PACRG: variants seen among roughly 807,000 people sequenced by gnomAD.
PACRG encodes parkin coregulated.
A neutral mutation model predicts 29.7 loss-of-function variants in PACRG; 29 were observed. The ratio of observed to expected loss-of-function variants is 0.98; its 90% CI spans 0.73 to 1.33. The LOEUF (loss-of-function observed/expected upper bound fraction) is 1.33, where lower values mean the gene tolerates loss of function less well. Ranked by LOEUF, PACRG falls within the 40% of genes most tolerant of loss-of-function variation. PACRG has a pLI of 0.00. For synonymous variants in PACRG, 116 were observed against 118.7 expected, an observed-to-expected ratio of 0.98 and a Z score of 0.15; for missense variants, 279 against 316.2, an observed-to-expected ratio of 0.88 and a Z score of 0.89.
chr6:162,994,570 C>T (rs1322781768), intron 2 of PACRG, among the ~76,000 whole-genome samples: 2 of 151,924 alleles, frequency 1.3e-5, no homozygotes, highest in South Asian at 2.1e-4. Context: ...ACGTAGTTCT[C>T]GAGCCTTGGT....
At chr6:162,837,188 TG>T (rs975595453) in intron 2 of PACRG, among the ~76,000 whole-genome samples, 5 of 152,056 alleles carry the variant, frequency 3.3e-5, no homozygotes, top group African/African-American at 1.2e-4. Context: ...GCGTAGATAG[TG>T]GGGGAGATGA....
chr6:163,222,890 A>C (rs1370208128), intron 4 of PACRG, among the ~76,000 whole-genome samples: 2 of 152,248 alleles, frequency 1.3e-5, no homozygotes, highest in Non-Finnish European at 2.9e-5. Flanking sequence ...ACTTTTGAAA[A>C]ATCATGTAGA....
intron 2 of PACRG, among the ~76,000 whole-genome samples, chr6:162,867,841 G>A (rs986425038): frequency 2.0e-5 from 3 of 152,120 alleles, no homozygotes; most frequent in Admixed American, 6.5e-5. Context: ...AGAAGGCAGC[G>A]TCGTAGAGGG....
intron 2 of PACRG, among the ~76,000 whole-genome samples, chr6:162,857,013 T>C (rs1791454578): frequency 6.6e-6 from 1 of 152,178 alleles, no homozygotes. Context: ...GGATCAGACA[T>C]GTCACCCCTC....
At chr6:163,077,735 A>G (rs1441474680) in intron 3 of PACRG, among the ~76,000 whole-genome samples, 1 of 152,238 alleles carries the variant, frequency 6.6e-6, no homozygotes. Context: ...AAAAAACATT[A>G]AAAAGAGGTG....
intron 4 of PACRG, among the ~76,000 whole-genome samples, chr6:163,239,776 CCACA>C (rs369286078): frequency 2.0e-4 from 29 of 145,044 alleles, no homozygotes; most frequent in Non-Finnish European, 2.4e-4. Context: ...ACCTCCACCC[CCACA>C]CACACACACA....
chr6:162,845,328 A>C (rs1235116695), intron 2 of PACRG, among the ~76,000 whole-genome samples: 1 of 152,164 alleles, frequency 6.6e-6, no homozygotes. Context: ...AACCGTGAGC[A>C]AGAATCCCCC....
chr6:163,265,425 T>C (rs1469624174), intron 4 of PACRG, among the ~76,000 whole-genome samples: 3 of 152,126 alleles, frequency 2.0e-5, no homozygotes, highest in Non-Finnish European at 4.4e-5. Context: ...TTCGGGCCCG[T>C]GGGTATTTGT....
At chr6:163,058,407 G>T (rs1810780349) in intron 2 of PACRG, among the ~76,000 whole-genome samples, 1 of 152,110 alleles carries the variant, frequency 6.6e-6, no homozygotes, top group Non-Finnish European at 1.5e-5. Context: ...CCTACCTGTT[G>T]TTCTAATAGT....
In PACRG at chr6:163,123,967, G is replaced by A. The variant is rs192317361; in HGVS notation, c.613+34559G>A. On this transcript the variant is annotated intron_variant, in intron 4 of 4. Transcript: ENST00000366888. ...AACATGGGAGTGCAGATGTTTCTTC[G>A]AGATCACAATTTCAGTTCTTTTGGG... Among the ~76,000 whole-genome samples, 25 of 152,288 alleles carry A rather than the reference G, an allele frequency of 1.6e-4. No individual in the cohort carries two copies. In the East Asian group the frequency reaches 4.0e-3, roughly 25 times the overall value.
intron 2 of PACRG, among the ~76,000 whole-genome samples, chr6:162,875,569 TGAAA>T (rs375315696): frequency 2.0e-5 from 3 of 152,382 alleles, no homozygotes; most frequent in African/African-American, 7.2e-5. Flanking sequence ...CAAAAGTGGC[TGAAA>T]GAAATATCAT....
At chr6:162,831,545 T>A (rs929129507) in intron 2 of PACRG, among the ~76,000 whole-genome samples, 1 of 152,164 alleles carries the variant, frequency 6.6e-6, no homozygotes, top group Non-Finnish European at 1.5e-5. Context: ...ATGTGCAGAT[T>A]TGTTACATAG....
chr6:162,795,239 G>A (rs569530600), intron 1 of PACRG, among the ~76,000 whole-genome samples: 2 of 151,636 alleles, frequency 1.3e-5, no homozygotes, highest in African/African-American at 2.4e-5. Context: ...AGAGGGGTGG[G>A]GGGCAGAGTA....
chr6:163,127,455 TGAA>T (rs1816563572), intron 4 of PACRG, among the ~76,000 whole-genome samples: 1 of 152,200 alleles, frequency 6.6e-6, no homozygotes, highest in Non-Finnish European at 1.5e-5. Flanking sequence ...TGAAGCCCCA[TGAA>T]GGACAGACTT....
chr6:162,935,953 A>T (rs1006017202), intron 2 of PACRG, among the ~76,000 whole-genome samples: 1 of 152,208 alleles, frequency 6.6e-6, no homozygotes, highest in Admixed American at 6.6e-5. Context: ...GTGCTGTATT[A>T]GTCTATTTTC....
intron 1 of PACRG, among the ~76,000 whole-genome samples, chr6:162,786,641 C>A (rs1784487498): frequency 6.6e-6 from 1 of 152,010 alleles, no homozygotes; most frequent in Non-Finnish European, 1.5e-5. Flanking sequence ...CTGCTTTGGA[C>A]TTCAATCAGA....
At chr6:162,821,008 C>T (rs996620746) in intron 2 of PACRG, among the ~76,000 whole-genome samples, 1 of 151,926 alleles carries the variant, frequency 6.6e-6, no homozygotes. Context: ...ATTCTTAATG[C>T]CATTCTTTTA....
At chr6:162,816,754 G>C (rs1787386350) in intron 2 of PACRG, among the ~76,000 whole-genome samples, 3 of 152,174 alleles carry the variant, frequency 2.0e-5, no homozygotes, top group Admixed American at 2.0e-4. Context: ...TGCTAAGTAG[G>C]AGGAGGGACT....
At chr6:162,799,353 T>C (rs1785653039) in intron 1 of PACRG, among the ~76,000 whole-genome samples, 1 of 152,236 alleles carries the variant, frequency 6.6e-6, no homozygotes, top group African/African-American at 2.4e-5. Flanking sequence ...ATATTCTTAA[T>C]ATTTCTTTCA....
Sources: allele counts gnomAD v4.1 joint callset (sites outside exome capture counted in the v4.1 genomes callset), GRCh38; gene constraint gnomAD v4.1.1; transcripts MANE v1.5; gene names NCBI Gene and HGNC (gene_info 2026-07-23, HGNC 2026-07-21).